Variants in AGMO observed in about 807,000 individuals in gnomAD.
AGMO encodes alkylglycerol monooxygenase.
Under a neutral mutation model 60.2 loss-of-function variants are expected in AGMO, and 75 were observed. The ratio of observed to expected loss-of-function variants is 1.25; its 90% CI spans 1.03 to 1.51. The LOEUF (loss-of-function observed/expected upper bound fraction) is 1.51, where lower values mean the gene tolerates loss of function less well. Ranked by LOEUF, AGMO falls within the 40% of genes most tolerant of loss-of-function variation. The probability of loss-of-function intolerance (pLI) is 0.00; values close to 1 mark genes in which losing one functional copy is unlikely to be tolerated. For synonymous variants in AGMO, 261 were observed against 177.1 expected (o/e 1.47, Z -3.76); for missense variants, 763 against 525.5 (o/e 1.45, Z -4.42).
intron 5 of AGMO, chr7:15,395,968 A>G (rs144457864): frequency 6.6e-6 from 1 of 152,202 alleles, no homozygotes; most frequent in Non-Finnish European, 1.5e-5. Flanking sequence ...CAATGTTGCC[A>G]CATATCAAAG....
At chr7:15,353,420 C>A (rs979864336) in intron 12 of AGMO, among the ~76,000 whole-genome samples, 1 of 152,048 alleles carries the variant, frequency 6.6e-6, no homozygotes, top group South Asian at 2.1e-4. Context: ...AATTCCTAGG[C>A]TTATGATGTT....
chr7:15,330,082 T>C (rs955653293), intron 12 of AGMO, among the ~76,000 whole-genome samples: 3 of 150,540 alleles, frequency 2.0e-5, no homozygotes, highest in Admixed American at 6.6e-5. Context: ...TCTATCTCTA[T>C]TGAAGTTAAT....
intron 12 of AGMO, among the ~76,000 whole-genome samples, chr7:15,292,751 C>CTTTTT (rs765222435): frequency 4.7e-4 from 45 of 95,126 alleles, no homozygotes; most frequent in African/African-American, 1.3e-3. Flanking sequence ...TTTTTTTTTC[C>CTTTTT]TTTTTTTTTT....
At chr7:15,281,095 G>A (rs1345618456) in intron 12 of AGMO, among the ~76,000 whole-genome samples, 2 of 152,088 alleles carry the variant, frequency 1.3e-5, no homozygotes, top group South Asian at 2.1e-4. Context: ...AACACATCAT[G>A]GGAACACCCC....
At chr7:15,430,620 TGG>T (rs1441147297) in intron 4 of AGMO, among the ~76,000 whole-genome samples, 1 of 119,888 alleles carries the variant, frequency 8.3e-6, no homozygotes, top group African/African-American at 3.0e-5. Context: ...AAAAAACAAC[TGG>T]TTTTTTTTAA....
At chr7:15,471,034 G>C (rs1048674307) in intron 3 of AGMO, among the ~76,000 whole-genome samples, 2 of 151,832 alleles carry the variant, frequency 1.3e-5, no homozygotes, top group Non-Finnish European at 2.9e-5. Flanking sequence ...TTTGCTCTCT[G>C]GATTTAGTGA....
intron 3 of AGMO, among the ~76,000 whole-genome samples, chr7:15,433,443 AAG>A (rs1015884915): frequency 3.9e-5 from 6 of 152,140 alleles, no homozygotes. Flanking sequence ...GTAAAAAAAA[AAG>A]AAGGAATACT....
At chr7:15,170,238 G>A in the AGMO span, among the ~76,000 whole-genome samples, 1 of 152,214 alleles carries the variant, frequency 6.6e-6, no homozygotes, top group Non-Finnish European at 1.5e-5. Context: ...TTTTGCATGA[G>A]AGTATCGACC....
At chr7:15,313,547 G>A (rs922862965) in intron 12 of AGMO, among the ~76,000 whole-genome samples, 3 of 152,028 alleles carry the variant, frequency 2.0e-5, no homozygotes, top group Admixed American at 2.0e-4. Context: ...AAGGATTTCA[G>A]GTTCTGGCAA....
At chr7:15,488,368 T>G (rs1453950712) in intron 3 of AGMO, among the ~76,000 whole-genome samples, 1 of 152,240 alleles carries the variant, frequency 6.6e-6, no homozygotes, top group Non-Finnish European at 1.5e-5. Flanking sequence ...AGAAGAAAAC[T>G]GTTTTTGCTT....
At chr7:15,532,353 G>C (rs1784390620) in intron 3 of AGMO, among the ~76,000 whole-genome samples, 1 of 152,118 alleles carries the variant, frequency 6.6e-6, no homozygotes, top group African/African-American at 2.4e-5. Flanking sequence ...AACGGCCTTG[G>C]GCCAATGTAT....
At chr7:15,377,107 A>G (rs953444854) in intron 10 of AGMO, among the ~76,000 whole-genome samples, 7 of 152,084 alleles carry the variant, frequency 4.6e-5, no homozygotes, top group African/African-American at 1.7e-4. Flanking sequence ...GTGAATCTGG[A>G]AAAAAATATT....
chr7:15,271,257 G>A (rs983247725), intron 12 of AGMO, among the ~76,000 whole-genome samples: 2 of 152,132 alleles, frequency 1.3e-5, no homozygotes, highest in African/African-American at 2.4e-5. Context: ...ATGGCTATGG[G>A]CAGTATGGTC....
chr7:15,192,404 T>C, the AGMO span, among the ~76,000 whole-genome samples: 3 of 151,898 alleles, frequency 2.0e-5, no homozygotes, highest in Admixed American at 1.3e-4. Flanking sequence ...CTGGGGATGG[T>C]TGGAGAGATC....
intron 12 of AGMO, among the ~76,000 whole-genome samples, chr7:15,276,464 A>G (rs569918728): frequency 6.6e-6 from 1 of 151,604 alleles, no homozygotes; most frequent in Non-Finnish European, 1.5e-5. Context: ...TGCTTTTAAG[A>G]TTTTTTTTCT....
intron 12 of AGMO, among the ~76,000 whole-genome samples, chr7:15,217,402 AAAAC>A (rs565817488): frequency 7.9e-5 from 12 of 151,714 alleles, no homozygotes; most frequent in East Asian, 3.9e-4. Context: ...ACACACAAGA[AAAAC>A]AAAGACATCT....
At chr7:15,366,908 AAGAC>A (rs1206119885) in intron 10 of AGMO, among the ~76,000 whole-genome samples, 1 of 152,062 alleles carries the variant, frequency 6.6e-6, no homozygotes, top group Non-Finnish European at 1.5e-5. Flanking sequence ...AGCTTATTCT[AAGAC>A]AGTCTGTCCA....
intron 3 of AGMO, among the ~76,000 whole-genome samples, chr7:15,470,248 A>T (rs945358949): frequency 6.6e-6 from 1 of 152,076 alleles, no homozygotes; most frequent in Non-Finnish European, 1.5e-5. Flanking sequence ...ATATTTAACC[A>T]TTGTAGGAAG....
At position 15,544,662 on chromosome 7, in the gene AGMO, A is replaced by G. The variant is rs1026628053; in HGVS notation, c.409+110T>C. ...TTATTAATTTTTATATCCGTAAAAT[A>G]TACTATTTTATTCCTGTATTTATCC... On this transcript the variant is annotated intron_variant, in intron 3 of 12. Transcript: ENST00000342526. 3.4e-5 allele frequency: 32 copies of G among 951,042 alleles called. No individual in the cohort carries two copies. In the African/African-American group the frequency reaches 5.1e-4, roughly 15 times the overall value. The allele number at this position is 951,042 out of a possible 1,614,324, so 58.9% of individuals were successfully genotyped here.
Sources: allele counts gnomAD v4.1 joint callset (sites outside exome capture counted in the v4.1 genomes callset), GRCh38; gene constraint gnomAD v4.1.1; transcripts MANE v1.5; gene names NCBI Gene and HGNC (gene_info 2026-07-23, HGNC 2026-07-21).